The following RARB variants were observed in gnomAD, a reference collection of about 807,000 sequenced individuals.
RARB encodes the protein retinoic acid receptor beta.
Under a neutral mutation model 51.9 loss-of-function variants are expected in RARB, and 17 were observed. That is an observed-to-expected ratio of 0.33 (90% confidence interval 0.22 to 0.49). The LOEUF (loss-of-function observed/expected upper bound fraction) is 0.49. Among genes scored for constraint, RARB ranks in the 20% least tolerant of loss-of-function variants. RARB has a pLI of 0.99. For missense variants in RARB, 369 were observed against 550.8 expected (o/e 0.67, Z 3.30); for synonymous variants, 215 against 195.4 (o/e 1.10, Z -0.84).
chr3:24,929,473 T>A (rs1163753336), intron 2 of RARB, among the ~76,000 whole-genome samples: 2 of 152,134 alleles, frequency 1.3e-5, no homozygotes, highest in African/African-American at 2.4e-5. Context: ...TTTGGAACTA[T>A]CACTTATGAA....
intron 2 of RARB, among the ~76,000 whole-genome samples, chr3:25,489,241 C>A (rs762379934): frequency 6.6e-6 from 1 of 152,150 alleles, no homozygotes; most frequent in African/African-American, 2.4e-5. Flanking sequence ...ACTGTGCTGA[C>A]ATAATATAGC....
intron 5 of RARB, among the ~76,000 whole-genome samples, chr3:25,585,799 A>G (rs1237714080): frequency 6.6e-6 from 1 of 152,198 alleles, no homozygotes; most frequent in Non-Finnish European, 1.5e-5. Flanking sequence ...GTATTTGTCA[A>G]CACAGGAGGA....
intron 2 of RARB, chr3:25,462,497 A>G (rs1218973375): frequency 1.3e-5 from 2 of 152,206 alleles, no homozygotes; most frequent in Non-Finnish European, 2.9e-5. Context: ...AATTGTTAAC[A>G]TGTTGGAATA....
intron 2 of RARB, among the ~76,000 whole-genome samples, chr3:24,994,379 T>C (rs1293590806): frequency 6.6e-6 from 1 of 152,160 alleles, no homozygotes. Flanking sequence ...TCTGAATTCC[T>C]TGTATATTCT....
chr3:25,285,308 C>T (rs988597495), intron 5 of RARB, among the ~76,000 whole-genome samples: 4 of 152,020 alleles, frequency 2.6e-5, no homozygotes, highest in African/African-American at 4.8e-5. Context: ...AAAGGCTTTC[C>T]AGTCAAAAGT....
chr3:25,527,304 A>G (rs962267280), intron 3 of RARB, among the ~76,000 whole-genome samples: 1 of 152,226 alleles, frequency 6.6e-6, no homozygotes, highest in African/African-American at 2.4e-5. Context: ...ATGCCCTGTG[A>G]GCTGCCTTCT....
chr3:25,000,187 A>G (rs1697129670), intron 2 of RARB, among the ~76,000 whole-genome samples: 3 of 152,154 alleles, frequency 2.0e-5, no homozygotes, highest in Admixed American at 6.6e-5. Context: ...TATGGGTGCA[A>G]TGATTGAGAG....
chr3:25,198,590 A>C (rs1701304336), intron 5 of RARB, among the ~76,000 whole-genome samples: 1 of 152,016 alleles, frequency 6.6e-6, no homozygotes, highest in Non-Finnish European at 1.5e-5. Flanking sequence ...TATTCCTATA[A>C]ATAGGAGAAA....
intron 2 of RARB, among the ~76,000 whole-genome samples, chr3:25,012,398 T>C (rs746323436): frequency 2.6e-5 from 4 of 152,086 alleles, no homozygotes; most frequent in Admixed American, 6.6e-5. Flanking sequence ...AGGTCTTGAT[T>C]GGGGCAACAG....
intron 3 of RARB, among the ~76,000 whole-genome samples, chr3:25,106,458 G>GTT (rs1330251701): frequency 9.3e-6 from 1 of 107,838 alleles, no homozygotes; most frequent in African/African-American, 4.0e-5. Flanking sequence ...TTTGTTTTTT[G>GTT]TTTTTTTTTG....
rs2125494237 is a variant in RARB at position 25,400,926 on chromosome 3, T to G, written c.179-60267T>G. Among the ~76,000 whole-genome samples the G allele has an allele frequency of 1.3e-5, 2 of 152,138 alleles. 1 individual carries two copies. ...ATAAATATAAAATGTAAATCTGTTT[T>G]TAAGGTATCAGAGATCTGCCAAAGC... On this transcript the variant is annotated intron_variant, in intron 5 of 11. Coordinates refer to the RARB transcript ENST00000383772.
At chr3:24,999,098 A>C (rs1697103914) in intron 2 of RARB, among the ~76,000 whole-genome samples, 1 of 152,134 alleles carries the variant, frequency 6.6e-6, no homozygotes, top group South Asian at 2.1e-4. Context: ...GCATGACATT[A>C]AGCTTCTTCA....
At chr3:25,460,226 T>C (rs1329184776) in intron 1 of RARB, among the ~76,000 whole-genome samples, 2 of 152,112 alleles carry the variant, frequency 1.3e-5, no homozygotes, top group Non-Finnish European at 2.9e-5. Flanking sequence ...AGCTGGGACC[T>C]GATACTATTT....
At chr3:24,844,527 T>G (rs9855407) in intron 1 of RARB, among the ~76,000 whole-genome samples, 85 of 152,284 alleles carry the variant, frequency 5.6e-4, no homozygotes, top group African/African-American at 2.0e-3. Flanking sequence ...GGGAAAAAAC[T>G]GGGGAGCAGA....
At chr3:25,387,553 T>G (rs1288719664) in intron 5 of RARB, among the ~76,000 whole-genome samples, 1 of 152,138 alleles carries the variant, frequency 6.6e-6, no homozygotes, top group Non-Finnish European at 1.5e-5. Context: ...TTCCACAACT[T>G]TCTCTAGTGT....
At chr3:25,121,912 A>G (rs1699790569) in intron 3 of RARB, among the ~76,000 whole-genome samples, 1 of 152,166 alleles carries the variant, frequency 6.6e-6, no homozygotes, top group Non-Finnish European at 1.5e-5. Context: ...ACGTTCTTCT[A>G]CTTTCTTCCT....
At chr3:25,498,556 C>G (rs1351669779) in intron 2 of RARB, among the ~76,000 whole-genome samples, 1 of 152,244 alleles carries the variant, frequency 6.6e-6, no homozygotes, top group Non-Finnish European at 1.5e-5. Context: ...TATTTAGTTT[C>G]TGCCATCATT....
At chr3:24,837,395 T>C (rs1458660264) in intron 1 of RARB, among the ~76,000 whole-genome samples, 4 of 152,238 alleles carry the variant, frequency 2.6e-5, no homozygotes, top group Admixed American at 6.5e-5. Flanking sequence ...AGATCCCAAA[T>C]TGATGGCTTC....
intron 3 of RARB, among the ~76,000 whole-genome samples, chr3:25,072,377 T>A (rs775170424): frequency 1.6e-4 from 25 of 152,132 alleles, no homozygotes; most frequent in Non-Finnish European, 2.8e-4. Context: ...ATGAGAGAGT[T>A]CACTCTGTAA....
Sources: allele counts gnomAD v4.1 joint callset (sites outside exome capture counted in the v4.1 genomes callset), GRCh38; gene constraint gnomAD v4.1.1; transcripts MANE v1.5; gene names NCBI Gene and HGNC (gene_info 2026-07-23, HGNC 2026-07-21).